Variants in PDE3B observed in about 807,000 individuals in gnomAD.
The protein encoded by PDE3B is phosphodiesterase 3B.
In PDE3B, 66 loss-of-function variants were observed where a neutral mutation model predicts 116.8. That is an observed-to-expected ratio of 0.56 (90% confidence interval 0.46 to 0.69). The LOEUF (loss-of-function observed/expected upper bound fraction) is 0.69, where lower values mean the gene tolerates loss of function less well. PDE3B is among the 30% of genes least tolerant of loss of function. The pLI is 0.00. For synonymous variants in PDE3B, 595 were observed against 533.6 expected (o/e 1.12, Z -1.59); for missense variants, 1,384 against 1,368.1 (o/e 1.01, Z -0.18).
At chr11:14,754,372 A>G (rs1694674250) in intron 1 of PDE3B, among the ~76,000 whole-genome samples, 1 of 152,112 alleles carries the variant, frequency 6.6e-6, no homozygotes, top group Non-Finnish European at 1.5e-5. Flanking sequence ...TCATGCTAAC[A>G]TTTCTTGAGA....
chr11:14,877,100 A>G, the PDE3B span, among the ~76,000 whole-genome samples: 15 of 152,284 alleles, frequency 9.9e-5, no homozygotes, highest in South Asian at 2.9e-3. Context: ...TACCTGTAAT[A>G]TAACAACTTT....
chr11:14,814,681 C>T (rs953808768), intron 5 of PDE3B, among the ~76,000 whole-genome samples: 2 of 152,116 alleles, frequency 1.3e-5, no homozygotes, highest in African/African-American at 2.4e-5. Flanking sequence ...ATATAAAGGC[C>T]AGGCATGGTG....
intron 4 of PDE3B, among the ~76,000 whole-genome samples, chr11:14,795,000 C>T (rs1252058706): frequency 5.9e-5 from 9 of 152,182 alleles, no homozygotes; most frequent in Non-Finnish European, 1.3e-4. Context: ...GTTCACTTTC[C>T]TGGAAGCCCC....
chr11:14,783,142 C>T (rs972048932), intron 2 of PDE3B, among the ~76,000 whole-genome samples: 14 of 152,178 alleles, frequency 9.2e-5, no homozygotes, highest in African/African-American at 3.4e-4. Context: ...GAAATAGGAA[C>T]ACTTTTACAC....
intron 14 of PDE3B, among the ~76,000 whole-genome samples, chr11:14,864,972 C>T (rs1449652998): frequency 6.6e-6 from 1 of 151,960 alleles, no homozygotes; most frequent in Non-Finnish European, 1.5e-5. Flanking sequence ...TAGCAGAAGA[C>T]AAGAAATAAC....
intron 1 of PDE3B, among the ~76,000 whole-genome samples, chr11:14,671,327 T>C (rs941809918): frequency 2.0e-5 from 3 of 151,976 alleles, no homozygotes; most frequent in African/African-American, 7.3e-5. Flanking sequence ...CATATAAATG[T>C]TGAGAAGGAG....
At chr11:14,770,899 A>T (rs1262443471) in intron 1 of PDE3B, among the ~76,000 whole-genome samples, 1 of 151,718 alleles carries the variant, frequency 6.6e-6, no homozygotes, top group Non-Finnish European at 1.5e-5. Flanking sequence ...CACTGACCAA[A>T]TGCTGCCAGC....
intron 11 of PDE3B, among the ~76,000 whole-genome samples, chr11:14,836,563 A>G (rs988022295): frequency 2.4e-4 from 36 of 152,248 alleles, no homozygotes; most frequent in Non-Finnish European, 4.0e-4. Context: ...TCAGTACCTC[A>G]CTTCTAGGTG....
intron 1 of PDE3B, among the ~76,000 whole-genome samples, chr11:14,751,145 GC>G (rs1333056990): frequency 6.6e-6 from 1 of 152,086 alleles, no homozygotes; most frequent in African/African-American, 2.4e-5. Context: ...TATGCAAGCT[GC>G]CTGGCACTGT....
Position 14,644,724 on chromosome 11 carries a change from C to A in PDE3B, c.649C>A (p.Arg217=). Residue 217 remains arginine (R), a synonymous_variant, in exon 1 of 16, where the codon CGG becomes AGG. Transcript: ENST00000282096. ...LLTLAHPLRL[R]HCVLVLLLAS... ...GACGCTCGCGCACCCGCTGCGGCTC[C>A]GGCACTGCGTTCTGGTGCTGCTCCT... The A allele has an allele frequency of 1.9e-6, 3 of 1,554,124 alleles. No homozygotes were observed. The highest frequency in any genetic ancestry group is 2.6e-6 in the Non-Finnish European group (3 of 1,151,956).
At chr11:14,772,888 A>T (rs889809367) in intron 2 of PDE3B, 1 of 151,988 alleles carries the variant, frequency 6.6e-6, no homozygotes, top group Non-Finnish European at 1.5e-5. Flanking sequence ...TTGAGTCTTG[A>T]CGTACACAAA....
intron 2 of PDE3B, chr11:14,773,477 A>G (rs1470607931): frequency 6.6e-6 from 1 of 152,168 alleles, no homozygotes; most frequent in East Asian, 1.9e-4. Flanking sequence ...GAACCTTGAT[A>G]TCAAGATAAA....
chr11:14,682,008 A>G (rs1854725395), intron 1 of PDE3B, among the ~76,000 whole-genome samples: 2 of 152,238 alleles, frequency 1.3e-5, no homozygotes, highest in South Asian at 4.1e-4. Context: ...TATATATGTT[A>G]TATACTATAT....
At chr11:14,725,391 CCTTG>C (rs1856270685) in intron 1 of PDE3B, among the ~76,000 whole-genome samples, 3 of 147,368 alleles carry the variant, frequency 2.0e-5, no homozygotes, top group Non-Finnish European at 4.5e-5. Context: ...TTCCTTCCTT[CCTTG>C]CTTCCTTCTT....
intron 1 of PDE3B, among the ~76,000 whole-genome samples, chr11:14,705,435 C>A (rs902197165): frequency 6.6e-6 from 1 of 151,708 alleles, no homozygotes; most frequent in Non-Finnish European, 1.5e-5. Context: ...TTTTAGAAAT[C>A]AAAAACTAAT....
At chr11:14,653,221 T>C (rs569309008) in intron 1 of PDE3B, among the ~76,000 whole-genome samples, 1 of 152,312 alleles carries the variant, frequency 6.6e-6, no homozygotes, top group African/African-American at 2.4e-5. Context: ...AAATTAGTGC[T>C]GCATATGTAG....
chr11:14,764,010 T>G (rs1857429254), intron 1 of PDE3B, among the ~76,000 whole-genome samples: 1 of 152,054 alleles, frequency 6.6e-6, no homozygotes, highest in South Asian at 2.1e-4. Context: ...AAGAGTCTAC[T>G]TTGAGAGAAT....
At position 14,832,818 on chromosome 11, in the gene PDE3B, TATC is replaced by T; in HGVS notation, c.2192_2194del (p.Tyr731_Arg732delinsTer). 6 of 1,423,862 alleles carry T rather than the reference TATC, an allele frequency of 4.2e-6. No homozygotes were observed. The highest frequency in any genetic ancestry group is 5.9e-6 in the Non-Finnish European group (6 of 1,022,454). 88.2% of individuals were successfully genotyped at this position (1,423,862 alleles called of 1,614,324 possible). ...CTATTTTCGTGCATTAGAAAATGGC[TATC>T]GAGACATTCCTTGTAAGTATTAACA... On this transcript the variant is annotated stop_gained and inframe_deletion, in exon 10 of 16. Coordinates refer to ENST00000282096, the MANE Select transcript of PDE3B (RefSeq NM_000922.4). LOFTEE classifies it high-confidence loss of function.
intron 1 of PDE3B, among the ~76,000 whole-genome samples, chr11:14,763,750 T>C (rs1324757393): frequency 6.6e-6 from 1 of 152,112 alleles, no homozygotes; most frequent in East Asian, 1.9e-4. Flanking sequence ...ATATGATGAT[T>C]TGATAAATAA....
Sources: allele counts gnomAD v4.1 joint callset (sites outside exome capture counted in the v4.1 genomes callset), GRCh38; gene constraint gnomAD v4.1.1; transcripts MANE v1.5; gene names NCBI Gene and HGNC (gene_info 2026-07-23, HGNC 2026-07-21).